Variants in NCOA2 observed in about 807,000 individuals in gnomAD.
NCOA2 encodes the protein nuclear receptor coactivator 2.
A neutral mutation model predicts 145.1 loss-of-function variants in NCOA2; 21 were observed. The observed-to-expected ratio is 0.14, with a 90% CI of 0.10 to 0.21. NCOA2 has a LOEUF of 0.21. NCOA2 is among the 10% of genes least tolerant of loss of function. The pLI, the probability that NCOA2 is intolerant of heterozygous loss-of-function variation, is 1.00. For synonymous variants in NCOA2, 619 were observed against 637.5 expected (o/e 0.97, Z 0.44); for missense variants, 1,472 against 1,837.6 (o/e 0.80, Z 3.64).
At chr8:70,237,684 T>G (rs918685104) in intron 2 of NCOA2, among the ~76,000 whole-genome samples, 1 of 152,120 alleles carries the variant, frequency 6.6e-6, no homozygotes, top group Admixed American at 6.6e-5. Context: ...GTGAGAGGAC[T>G]GCTTGAGCCC....
At chr8:70,350,075 T>C (rs2130800124) in intron 1 of NCOA2, among the ~76,000 whole-genome samples, 1 of 152,260 alleles carries the variant, frequency 6.6e-6, no homozygotes, top group East Asian at 1.9e-4. Context: ...AGACACTTCA[T>C]TATTTTTATT....
intron 1 of NCOA2, among the ~76,000 whole-genome samples, chr8:70,354,849 T>A (rs574876738): frequency 9.8e-5 from 15 of 152,318 alleles, no homozygotes; most frequent in African/African-American, 3.6e-4. Context: ...TATTCTTATA[T>A]GGCATAAACT....
At chr8:70,254,540 T>C (rs952035001) in intron 2 of NCOA2, among the ~76,000 whole-genome samples, 2 of 152,162 alleles carry the variant, frequency 1.3e-5, no homozygotes, top group African/African-American at 4.8e-5. Flanking sequence ...AAAAGAAATT[T>C]TAACACCAGC....
At chr8:70,124,360 GT>G (rs562148942) in intron 20 of NCOA2, among the ~76,000 whole-genome samples, 150 of 143,420 alleles carry the variant, frequency 1.0e-3, no homozygotes, top group African/African-American at 1.8e-3. Context: ...CTTTCTTTCT[GT>G]TTTTTTTTTT....
chr8:70,128,949 C>T lies in NCOA2; in HGVS notation c.3356G>A (p.Ser1119Asn). The change falls in exon 17 of 23, where the codon AGT (serine) becomes AAT (asparagine). Residue 1119 changes from serine (S) to asparagine (N), a missense_variant. Physicochemically the swap from Ser to Asn is conservative, Grantham distance 46 (BLOSUM62 1). Transcript: ENST00000452400. ...CTCCAGCATGATGTTGGAATCCTGA[C>T]TTGAGAACTGTTCTGGATCTACTGC... is the stretch of plus-strand genomic sequence containing the variant. ...SQAVDPEQFS[S>N]QDSNIMLEQK... The T allele has an allele frequency of 1.2e-6, 2 of 1,608,148 alleles. No individual in the cohort carries two copies. The highest frequency in any genetic ancestry group is 1.7e-6 in the Non-Finnish European group (2 of 1,176,918).
At chr8:70,305,493 G>A (rs1390392077) in intron 1 of NCOA2, among the ~76,000 whole-genome samples, 1 of 152,160 alleles carries the variant, frequency 6.6e-6, no homozygotes, top group Non-Finnish European at 1.5e-5. Context: ...AAGACAGTAA[G>A]GTAACACAAT....
chr8:70,402,973 C>T (rs1814486261), intron 1 of NCOA2, among the ~76,000 whole-genome samples: 1 of 143,878 alleles, frequency 7.0e-6, no homozygotes, highest in Non-Finnish European at 1.5e-5. Flanking sequence ...CGGTGCTCGG[C>T]GCCCCTCGCC....
At chr8:70,146,186 G>A (rs1025698981) in intron 12 of NCOA2, among the ~76,000 whole-genome samples, 2 of 152,184 alleles carry the variant, frequency 1.3e-5, no homozygotes, top group East Asian at 1.9e-4. Context: ...TGTGAACTCT[G>A]TTGCCTAAAG....
chr8:70,442,112 G>GA, the NCOA2 span, among the ~76,000 whole-genome samples: 332 of 102,032 alleles, frequency 3.3e-3, no homozygotes, highest in African/African-American at 9.4e-3. Flanking sequence ...AACAGAGAAA[G>GA]AAAGAAGAAA....
chr8:70,443,253 T>C, the NCOA2 span, among the ~76,000 whole-genome samples: 2 of 151,796 alleles, frequency 1.3e-5, no homozygotes. Flanking sequence ...CCTGTGGTCC[T>C]AGCTACTCAG....
At chr8:70,216,812 T>A (rs1819667006) in intron 2 of NCOA2, 48 bp from the exon 3 acceptor site, 1 of 1,172,826 alleles carries the variant, frequency 8.5e-7, no homozygotes, top group Non-Finnish European at 1.3e-6. Context: ...AGAGAGCTGA[T>A]GATGAAGTGT....
chr8:70,403,847 C>CCCTCCTCCTCCT (rs528610374), upstream of NCOA2: 3,212 of 376,502 alleles, frequency 8.5e-3, 31 homozygotes, highest in South Asian at 0.038. Flanking sequence ...TCCCCCAACT[C>CCCTCCTCCTCCT]CCTCCTCCTC....
At chr8:70,273,864 C>A in intron 2 of NCOA2, 1 of 544,624 alleles carries the variant, frequency 1.8e-6, no homozygotes, top group South Asian at 1.4e-5. Flanking sequence ...TTCAGTGACT[C>A]AACTTCTGAA....
At chr8:70,269,466 T>G (rs1824875965) in intron 2 of NCOA2, among the ~76,000 whole-genome samples, 1 of 151,938 alleles carries the variant, frequency 6.6e-6, no homozygotes, top group Admixed American at 6.6e-5. Flanking sequence ...TAAAAAAAAT[T>G]TAATTTAAAT....
intron 4 of NCOA2, among the ~76,000 whole-genome samples, chr8:70,177,568 T>C (rs571137077): frequency 1.7e-4 from 26 of 152,300 alleles, no homozygotes; most frequent in African/African-American, 5.3e-4. Flanking sequence ...AGGAGGAAGA[T>C]AGAATAGGTG....
chr8:70,396,367 C>T (rs1813672480), intron 1 of NCOA2, among the ~76,000 whole-genome samples: 1 of 152,230 alleles, frequency 6.6e-6, no homozygotes, highest in South Asian at 2.1e-4. Flanking sequence ...TGAATATGCT[C>T]TTGCAAAATA....
chr8:70,171,651 A>G (rs1814269661), intron 5 of NCOA2, among the ~76,000 whole-genome samples: 1 of 152,032 alleles, frequency 6.6e-6, no homozygotes, highest in Non-Finnish European at 1.5e-5. Flanking sequence ...TTTCTTTGTG[A>G]TATGTGTTTA....
chr8:70,171,424 T>C (rs1814242048), intron 5 of NCOA2, among the ~76,000 whole-genome samples: 1 of 152,228 alleles, frequency 6.6e-6, no homozygotes, highest in African/African-American at 2.4e-5. Context: ...TACAGTCCTC[T>C]ACTCTAATAT....
the NCOA2 span, among the ~76,000 whole-genome samples, chr8:70,433,811 C>T: frequency 2.6e-5 from 4 of 152,030 alleles, no homozygotes; most frequent in East Asian, 3.8e-4. Flanking sequence ...ATGAAGTTGC[C>T]GCTTCTTAAA....
Sources: allele counts gnomAD v4.1 joint callset (sites outside exome capture counted in the v4.1 genomes callset), GRCh38; gene constraint gnomAD v4.1.1; transcripts MANE v1.5; gene names NCBI Gene and HGNC (gene_info 2026-07-23, HGNC 2026-07-21).